Variants in ALDH18A1 observed in about 807,000 individuals in gnomAD.
ALDH18A1 encodes the protein aldehyde dehydrogenase 18 family member A1.
ALDH18A1 carries 44 observed loss-of-function variants against 88.8 expected under a neutral mutation model. The ratio of observed to expected loss-of-function variants is 0.50; its 90% confidence interval spans 0.39 to 0.64. ALDH18A1 has a LOEUF of 0.64. Ranked by LOEUF, ALDH18A1 falls within the 30% of genes least tolerant of loss-of-function variation. ALDH18A1 has a pLI of 0.00. For synonymous variants in ALDH18A1, 331 were observed against 372.1 expected (o/e 0.89, Z 1.27); for missense variants, 782 against 1,009.5 (o/e 0.77, Z 3.05).
At chr10:95,624,802 CT>C (rs1247338067) in intron 11 of ALDH18A1, among the ~76,000 whole-genome samples, 2 of 152,330 alleles carry the variant, frequency 1.3e-5, no homozygotes, top group East Asian at 3.9e-4. Flanking sequence ...AGCTATCTTT[CT>C]TCACAGGCTG....
At chr10:95,611,093 G>A (rs1361695510) in intron 16 of ALDH18A1, among the ~76,000 whole-genome samples, 163 bp downstream of exon 16, 1 of 152,200 alleles carries the variant, frequency 6.6e-6, no homozygotes, top group Non-Finnish European at 1.5e-5. Context: ...ATATAATAAA[G>A]TGATGTGAAA....
At position 95,633,727 on chromosome 10, in the gene ALDH18A1, C is replaced by A. The variant is rs1303587787; in HGVS notation, c.559-78G>T. The A allele has an allele frequency of 3.3e-6, 5 of 1,514,794 alleles. No individual in the cohort carries two copies. The East Asian group carries it at 1.2e-4, about 36-fold the overall frequency. 93.8% of individuals were successfully genotyped at this position (1,514,794 alleles called of 1,614,324 possible). A position where few individuals can be genotyped will look rare whatever the true frequency, so the allele number is the denominator to read the frequency against. ...CCCAGTATACAAAAGACGCTAAGAGCAGGGGAGTTAAACTTTAGGTTTCTG... is the reference window on the plus strand; with the variant it reads ...CCCAGTATACAAAAGACGCTAAGAGAAGGGGAGTTAAACTTTAGGTTTCTG... On this transcript the variant is annotated intron_variant, in intron 5 of 17. Transcript: ENST00000371224.
At chr10:95,648,679 C>T (rs2097905056) in intron 2 of ALDH18A1, among the ~76,000 whole-genome samples, 1 of 152,084 alleles carries the variant, frequency 6.6e-6, no homozygotes, top group Non-Finnish European at 1.5e-5. Context: ...TTCTGGGGAC[C>T]CTGCAAGCAT....
chr10:95,650,218 G>C (rs1450211784), intron 2 of ALDH18A1, among the ~76,000 whole-genome samples: 1 of 152,134 alleles, frequency 6.6e-6, no homozygotes, highest in Non-Finnish European at 1.5e-5. Flanking sequence ...AAAAACAAAA[G>C]CTGATAAATT....
intron 7 of ALDH18A1, among the ~76,000 whole-genome samples, chr10:95,632,655 C>T (rs4581373): frequency 0.017 from 2,576 of 152,278 alleles, 76 homozygotes; most frequent in African/African-American, 0.058. Flanking sequence ...TGAGCCACCA[C>T]GCCAGGACAG....
chr10:95,614,081 C>T lies in ALDH18A1; in HGVS notation c.1686G>A (p.Gln562=), dbSNP rs768395957. ...IDLIIPRGSS[Q]LVRDIQKAAK... is the part of the protein sequence containing the mutation. ...CAGCTTTCTGGATGTCTCTGACCAG[C>T]TGGGAAGAGCCACGTGGAATGATCA... is the stretch of plus-strand genomic sequence containing the variant. Residue 562 remains glutamine, a synonymous_variant, in exon 14 of 18, where the codon CAG becomes CAA. Coordinates refer to ENST00000371224, the MANE Select transcript of ALDH18A1 (RefSeq NM_002860.4). The T allele has an allele frequency of 6.2e-7, 1 of 1,614,178 alleles. No homozygotes were observed.
At chr10:95,622,866 ATGATG>A (rs1236338609) in intron 11 of ALDH18A1, among the ~76,000 whole-genome samples, 1 of 152,168 alleles carries the variant, frequency 6.6e-6, no homozygotes, top group East Asian at 1.9e-4. Flanking sequence ...AGTAGTATGC[ATGATG>A]TGATTCCCTC....
Position 95,606,698 on chromosome 10 carries a change from C to T in ALDH18A1, c.*64G>A. Reference sequence around the variant, plus strand: ...ACTGGGAGACAAGAGCGGGCTCTCTCCTGAGATAAGACAAGTTTAACGTGA... The same window carrying T: ...ACTGGGAGACAAGAGCGGGCTCTCTTCTGAGATAAGACAAGTTTAACGTGA... On this transcript the variant is annotated 3_prime_UTR_variant, in exon 18 of 18. Transcript: ENST00000371224. 2 of 1,613,200 alleles carry T rather than the reference C, an allele frequency of 1.2e-6. No individual in the cohort carries two copies. Among genetic ancestry groups the T allele is most frequent in the Non-Finnish European group, 1.7e-6 (2 of 1,179,800 alleles).
Position 95,606,165 on chromosome 10 carries a change from T to C in ALDH18A1, c.*597A>G, listed in dbSNP as rs2097822246. On this transcript the variant is annotated 3_prime_UTR_variant, in exon 18 of 18. Transcript: ENST00000371224. ...CAGCTGCATCACGGGGAACACAGCA[T>C]CTCCTGGATGCAGGAAGCTGCAAGC... The C allele has an allele frequency of 1.2e-6, 1 of 834,126 alleles. No individual in the cohort carries two copies. The highest frequency in any genetic ancestry group is 5.4e-5 in the South Asian group (1 of 18,432). The allele number at this position is 834,126 out of a possible 1,614,324, so 51.7% of individuals were successfully genotyped here.
At chr10:95,634,118 A>G (rs1175425261) in intron 5 of ALDH18A1, among the ~76,000 whole-genome samples, 1 of 152,186 alleles carries the variant, frequency 6.6e-6, no homozygotes, top group African/African-American at 2.4e-5. Flanking sequence ...CAATAATCTG[A>G]AAGATTTATT....
chr10:95,612,801 C>A (rs949107832), intron 15 of ALDH18A1, among the ~76,000 whole-genome samples: 2 of 152,194 alleles, frequency 1.3e-5, no homozygotes, highest in Non-Finnish European at 2.9e-5. Flanking sequence ...GGTGCCCAAT[C>A]AACAGGCTTC....
At chr10:95,649,795 C>T (rs995437230) in intron 2 of ALDH18A1, among the ~76,000 whole-genome samples, 8 of 151,916 alleles carry the variant, frequency 5.3e-5, no homozygotes, top group Non-Finnish European at 1.2e-4. Context: ...GCAGGAGAAT[C>T]GCTTGAGCCT....
At chr10:95,647,803 AT>A (rs2097903637) in intron 2 of ALDH18A1, among the ~76,000 whole-genome samples, 1 of 152,232 alleles carries the variant, frequency 6.6e-6, no homozygotes, top group Non-Finnish European at 1.5e-5. Context: ...CCATGCTTCA[AT>A]CATGCCTATC....
chr10:95,642,313 G>A (rs983920762), intron 3 of ALDH18A1, among the ~76,000 whole-genome samples: 19 of 152,080 alleles, frequency 1.2e-4, no homozygotes, highest in Admixed American at 9.8e-4. Context: ...TATAACCTAC[G>A]AAACTAAAAT....
intron 3 of ALDH18A1, among the ~76,000 whole-genome samples, chr10:95,642,044 T>C (rs2097892774): frequency 6.6e-6 from 1 of 152,222 alleles, no homozygotes; most frequent in Non-Finnish European, 1.5e-5. Context: ...AGGTTAGCAA[T>C]TTCCCAATAT....
At chr10:95,633,169 C>A (rs1029992654) in intron 6 of ALDH18A1, 120 bp from the exon 7 acceptor site, 28 of 892,182 alleles carry the variant, frequency 3.1e-5, no homozygotes, top group Non-Finnish European at 4.1e-5. Flanking sequence ...CCAATGAACC[C>A]AAATATGTAG....
At chr10:95,656,494 G>C (rs2097918290) in intron 1 of ALDH18A1, 103 bp downstream of exon 1, 1 of 152,206 alleles carries the variant, frequency 6.6e-6, no homozygotes, top group African/African-American at 2.4e-5. Flanking sequence ...CAGCGTCCCC[G>C]CTCCAGCGGC....
At chr10:95,611,120 C>T (rs2097833385) in intron 16 of ALDH18A1, 136 bp downstream of exon 16, 2 of 1,025,868 alleles carry the variant, frequency 1.9e-6, no homozygotes, top group Non-Finnish European at 2.9e-6. Context: ...ATCAAAGTAC[C>T]AAATGCAACC....
At chr10:95,633,807 C>T (rs1381672108) in intron 5 of ALDH18A1, among the ~76,000 whole-genome samples, 158 bp from the exon 6 acceptor site, 2 of 137,326 alleles carry the variant, frequency 1.5e-5, no homozygotes, top group African/African-American at 5.3e-5. Flanking sequence ...GGGTGCTATC[C>T]AATTCTTTTT....
Sources: allele counts gnomAD v4.1 joint callset (sites outside exome capture counted in the v4.1 genomes callset), GRCh38; gene constraint gnomAD v4.1.1; transcripts MANE v1.5; gene names NCBI Gene and HGNC (gene_info 2026-07-23, HGNC 2026-07-21).